Variants in ITGA9 observed in about 807,000 individuals in gnomAD.
ITGA9 encodes integrin subunit alpha 9.
In ITGA9, 56 loss-of-function variants were observed where a neutral mutation model predicts 127.8. The ratio of observed to expected loss-of-function variants is 0.44; its 90% confidence interval spans 0.35 to 0.55. The LOEUF (loss-of-function observed/expected upper bound fraction) is 0.55, where lower values mean the gene tolerates loss of function less well. Ranked by LOEUF, ITGA9 falls within the 20% of genes least tolerant of loss-of-function variation. ITGA9 has a pLI of 0.00. For missense variants in ITGA9, 1,196 were observed against 1,347.1 expected, an observed-to-expected ratio of 0.89 and a Z score of 1.76; for synonymous variants, 508 against 514.5, an observed-to-expected ratio of 0.99 and a Z score of 0.17.
At chr3:37,732,845 C>G (rs1294001775) in intron 19 of ITGA9, 47 bp downstream of exon 19, 3 of 1,422,370 alleles carry the variant, frequency 2.1e-6, no homozygotes, top group Admixed American at 3.8e-5. Context: ...GCCCCCAGCC[C>G]TTCCACCAGC....
chr3:37,559,597 A>T (rs776792991), intron 15 of ITGA9, among the ~76,000 whole-genome samples: 2 of 152,224 alleles, frequency 1.3e-5, no homozygotes, highest in African/African-American at 4.8e-5. Flanking sequence ...GAGCTGCCAG[A>T]TGGTAATTTT....
chr3:37,594,062 C>T (rs147416415), intron 15 of ITGA9, among the ~76,000 whole-genome samples: 112 of 152,360 alleles, frequency 7.4e-4, no homozygotes, highest in African/African-American at 2.5e-3. Context: ...GGCTCACCCA[C>T]GCTGCTGCTG....
intron 15 of ITGA9, among the ~76,000 whole-genome samples, chr3:37,581,081 G>T (rs1018536869): frequency 6.6e-6 from 1 of 152,186 alleles, no homozygotes; most frequent in Admixed American, 6.5e-5. Flanking sequence ...AAGAAGTTTG[G>T]ATTTTATTTA....
Position 37,820,968 on chromosome 3 carries a change from A to G in ITGA9, c.*1979A>G, listed in dbSNP as rs1697507341. ...ATACTTGGCTAATACTCACAAACAT[A>G]TCTAAAGTTTTGGCAAAATTATGAG... On this transcript the variant is annotated 3_prime_UTR_variant, in exon 28 of 28. Transcript: ENST00000264741. 6.6e-6 allele frequency: 1 copy of G among 152,210 alleles called. No individual in the cohort carries two copies. Among genetic ancestry groups the G allele is most frequent in the Non-Finnish European group, 1.5e-5 (1 of 68,042 alleles). The allele number at this position is 152,210 out of a possible 1,614,324, so 9.4% of individuals were successfully genotyped here.
At chr3:37,532,630 C>A (rs75967139) in intron 13 of ITGA9, among the ~76,000 whole-genome samples, 1 of 31,826 alleles carries the variant, frequency 3.1e-5, no homozygotes, top group Non-Finnish European at 8.1e-5. Flanking sequence ...GGGGAGCCCA[C>A]AGGTGCTGTC....
At chr3:37,776,022 C>T (rs967476702) in intron 23 of ITGA9, among the ~76,000 whole-genome samples, 3 of 152,098 alleles carry the variant, frequency 2.0e-5, no homozygotes, top group African/African-American at 7.2e-5. Flanking sequence ...TGAGATCATG[C>T]CCTTTGCAGG....
chr3:37,802,978 C>T (rs534138829), intron 26 of ITGA9, among the ~76,000 whole-genome samples: 1 of 152,272 alleles, frequency 6.6e-6, no homozygotes, highest in African/African-American at 2.4e-5. Flanking sequence ...TACAGCCTCT[C>T]GAACGAGTTT....
intron 15 of ITGA9, among the ~76,000 whole-genome samples, chr3:37,612,226 C>A (rs766834786): frequency 6.6e-6 from 1 of 152,052 alleles, no homozygotes; most frequent in South Asian, 2.1e-4. Flanking sequence ...CGCCTTTGGC[C>A]GTTGGGAAGC....
At chr3:37,756,943 G>GCCTTTA (rs1696659614) in intron 23 of ITGA9, among the ~76,000 whole-genome samples, 2 of 152,064 alleles carry the variant, frequency 1.3e-5, no homozygotes, top group African/African-American at 4.8e-5. Context: ...AGAAATCAAA[G>GCCTTTA]TTGAAGGGAT....
chr3:37,666,192 C>T (rs1379197974), intron 17 of ITGA9, among the ~76,000 whole-genome samples: 1 of 152,146 alleles, frequency 6.6e-6, no homozygotes, highest in Non-Finnish European at 1.5e-5. Flanking sequence ...ACAAGGGAGG[C>T]AGCACTCTAC....
At chr3:37,768,079 GGTGATAC>G (rs1338068859) in intron 23 of ITGA9, among the ~76,000 whole-genome samples, 1 of 152,058 alleles carries the variant, frequency 6.6e-6, no homozygotes, top group Non-Finnish European at 1.5e-5. Context: ...TGAAATGAAT[GGTGATAC>G]GTGAAAGTAT....
At chr3:37,658,418 G>A (rs1374310394) in intron 17 of ITGA9, among the ~76,000 whole-genome samples, 1 of 152,290 alleles carries the variant, frequency 6.6e-6, no homozygotes, top group African/African-American at 2.4e-5. Context: ...CTTGTTGCAT[G>A]ATCCCTTCAC....
chr3:37,783,291 CATT>C (rs1697000505), intron 25 of ITGA9, among the ~76,000 whole-genome samples: 1 of 152,156 alleles, frequency 6.6e-6, no homozygotes, highest in Non-Finnish European at 1.5e-5. Context: ...TTATCATCAT[CATT>C]ATCGTTATTA....
At chr3:37,499,281 T>G (rs1184170008) in intron 5 of ITGA9, among the ~76,000 whole-genome samples, 4 of 152,344 alleles carry the variant, frequency 2.6e-5, no homozygotes, top group South Asian at 4.1e-4. Context: ...GGTGGGAGTT[T>G]GTTCAGCACG....
chr3:37,517,359 T>G (rs1462604788), intron 9 of ITGA9, 145 bp from the exon 10 acceptor site: 1 of 699,386 alleles, frequency 1.4e-6, no homozygotes. Context: ...GAAGTTTGGG[T>G]TCCTGTAATT....
chr3:37,689,110 TAC>T (rs1233525869), intron 18 of ITGA9, among the ~76,000 whole-genome samples: 1 of 152,174 alleles, frequency 6.6e-6, no homozygotes, highest in Non-Finnish European at 1.5e-5. Flanking sequence ...TGTGCAAAGT[TAC>T]AGAGACTCAA....
chr3:37,663,182 C>G (rs77659892), intron 17 of ITGA9, among the ~76,000 whole-genome samples: 6,580 of 152,232 alleles, frequency 0.043, 156 homozygotes, highest in Middle Eastern at 0.058. Context: ...ACTGAAAATT[C>G]CATTTGTAAA....
chr3:37,596,944 C>T (rs1423769646), intron 15 of ITGA9, among the ~76,000 whole-genome samples: 1 of 152,192 alleles, frequency 6.6e-6, no homozygotes, highest in Non-Finnish European at 1.5e-5. Flanking sequence ...CCAAAGACAC[C>T]AGTTCCAACT....
In ITGA9 at chr3:37,803,949, C is replaced by A. The variant is rs1405186373; in HGVS notation, c.3009+7C>A. ...GGCCGTGCTGCTCTGGAAGGTGAGT[C>A]TGGTGATTGCAGGTCCCCCTGGGGT... is the stretch of plus-strand genomic sequence containing the variant. On this transcript the variant is annotated splice_region_variant and intron_variant, in intron 27 of 27. Coordinates refer to ENST00000264741, the MANE Select transcript of ITGA9 (RefSeq NM_002207.3). 4 of 1,613,924 alleles carry A rather than the reference C, an allele frequency of 2.5e-6. No individual in the cohort carries two copies. Among genetic ancestry groups the A allele is most frequent in the Non-Finnish European group, 3.4e-6 (4 of 1,180,008 alleles).
Sources: gnomAD v4.1 joint callset for allele counts (sites outside exome capture counted in the v4.1 genomes callset) on GRCh38, gnomAD v4.1.1 for gene constraint, MANE v1.5 for transcripts, NCBI Gene and HGNC (gene_info 2026-07-23, HGNC 2026-07-21) for gene names.